The following SEMA5A variants were observed in gnomAD, a reference collection of about 807,000 sequenced individuals.
SEMA5A encodes the protein semaphorin-5A.
SEMA5A carries 55 observed loss-of-function variants against 135.5 expected under a neutral mutation model. The ratio of observed to expected loss-of-function variants is 0.41; its 90% CI spans 0.33 to 0.51. SEMA5A has a LOEUF of 0.51. SEMA5A is among the 20% of genes least tolerant of loss of function. The pLI is 0.37. For synonymous variants in SEMA5A, 580 were observed against 546.5 expected (o/e 1.06, Z -0.85); for missense variants, 1,290 against 1,419.9 (o/e 0.91, Z 1.47).
intron 1 of SEMA5A, among the ~76,000 whole-genome samples, chr5:9,544,887 G>A (rs1738296665): frequency 6.6e-6 from 1 of 152,164 alleles, no homozygotes; most frequent in South Asian, 2.1e-4. Context: ...ATTCCCTCTG[G>A]AGCCCGATCT....
At chr5:9,454,014 G>A (rs912804680) in intron 1 of SEMA5A, among the ~76,000 whole-genome samples, 2 of 152,156 alleles carry the variant, frequency 1.3e-5, no homozygotes, top group South Asian at 2.1e-4. Flanking sequence ...TTGCTTCAGG[G>A]GAGCACAGAA....
chr5:9,384,987 T>C (rs1755826344), intron 2 of SEMA5A, among the ~76,000 whole-genome samples: 1 of 152,212 alleles, frequency 6.6e-6, no homozygotes, highest in South Asian at 2.1e-4. Flanking sequence ...CTATCATCAT[T>C]CAACCAACTC....
chr5:9,301,914 G>A (rs1323796017), intron 5 of SEMA5A, among the ~76,000 whole-genome samples: 1 of 151,998 alleles, frequency 6.6e-6, no homozygotes. Context: ...GTATCAATGG[G>A]CCAAACTCAA....
chr5:9,153,362 G>T (rs143144602), intron 12 of SEMA5A, among the ~76,000 whole-genome samples: 1 of 152,196 alleles, frequency 6.6e-6, no homozygotes, highest in African/African-American at 2.4e-5. Context: ...GTGCTGGTCA[G>T]GTGTGTGATG....
At chr5:9,158,521 T>A (rs202165141) in intron 11 of SEMA5A, among the ~76,000 whole-genome samples, 9 of 143,888 alleles carry the variant, frequency 6.3e-5, no homozygotes, top group Admixed American at 4.2e-4. Flanking sequence ...AAAAAAAAAA[T>A]AGGCATTTCC....
At chr5:9,190,803 G>A (rs1745069090) in intron 10 of SEMA5A, among the ~76,000 whole-genome samples, 1 of 152,206 alleles carries the variant, frequency 6.6e-6, no homozygotes, top group Non-Finnish European at 1.5e-5. Flanking sequence ...CTTGAAAGCT[G>A]TCTGGTTAAA....
intron 1 of SEMA5A, among the ~76,000 whole-genome samples, chr5:9,496,053 T>C (rs1250901628): frequency 6.6e-6 from 1 of 152,180 alleles, no homozygotes; most frequent in African/African-American, 2.4e-5. Context: ...TTATTATTAC[T>C]ATTATTTTGA....
intron 1 of SEMA5A, among the ~76,000 whole-genome samples, chr5:9,533,007 C>T (rs1208221491): frequency 6.6e-6 from 1 of 152,224 alleles, no homozygotes; most frequent in Admixed American, 6.5e-5. Flanking sequence ...AAGCCTCCAA[C>T]CCCCATGCTT....
chr5:9,153,989 T>C (rs1365026839), intron 12 of SEMA5A, among the ~76,000 whole-genome samples: 4 of 144,536 alleles, frequency 2.8e-5, no homozygotes, highest in Non-Finnish European at 6.0e-5. Flanking sequence ...GAGGTTGCAG[T>C]GAGCTGAGGT....
At chr5:9,476,678 T>G (rs1759678681) in intron 1 of SEMA5A, among the ~76,000 whole-genome samples, 1 of 152,206 alleles carries the variant, frequency 6.6e-6, no homozygotes, top group Non-Finnish European at 1.5e-5. Flanking sequence ...TGCCTTATTA[T>G]TTTTTAAATG....
intron 8 of SEMA5A, among the ~76,000 whole-genome samples, chr5:9,219,041 A>G (rs1351165251): frequency 6.6e-6 from 1 of 152,246 alleles, no homozygotes; most frequent in Non-Finnish European, 1.5e-5. Flanking sequence ...TCAGGTAGTC[A>G]GTGATCTGCA....
At chr5:9,154,087 A>G (rs368387242) in intron 12 of SEMA5A, among the ~76,000 whole-genome samples, 39,729 of 78,996 alleles carry the variant, frequency 0.5, 10,136 homozygotes, top group Middle Eastern at 0.63. Flanking sequence ...ATATATATAT[A>G]TATATATGTG....
chr5:9,175,962 C>T (rs1183772710), intron 11 of SEMA5A, among the ~76,000 whole-genome samples: 1 of 152,208 alleles, frequency 6.6e-6, no homozygotes, highest in Non-Finnish European at 1.5e-5. Flanking sequence ...CCTATCATTC[C>T]CAACCCCTGG....
rs115065627 is a variant in SEMA5A, at chr5:9,439,947, C to T, written c.-174-2095G>A. Among the ~76,000 whole-genome samples, 373 of 152,378 alleles carry T rather than the reference C, an allele frequency of 2.4e-3. 3 individuals are homozygous for T. Among genetic ancestry groups the T allele is most frequent in the African/African-American group, 8.4e-3 (351 of 41,596 alleles). On this transcript the variant is annotated intron_variant, in intron 1 of 22. Coordinates refer to ENST00000382496, the MANE Select transcript of SEMA5A (RefSeq NM_003966.3). ...GGGTGTCCACCCGAAAGGGTTGTTACTGTGCCTGTGTTTACATAAATAGTG... is the reference window on the plus strand; with the variant it reads ...GGGTGTCCACCCGAAAGGGTTGTTATTGTGCCTGTGTTTACATAAATAGTG...
chr5:9,349,182 G>A (rs1754004762), intron 3 of SEMA5A, among the ~76,000 whole-genome samples: 1 of 152,114 alleles, frequency 6.6e-6, no homozygotes, highest in Admixed American at 6.5e-5. Context: ...CCTCTTTGCC[G>A]AAGTACAGAT....
At chr5:9,104,722 C>A (rs541648415) in intron 16 of SEMA5A, among the ~76,000 whole-genome samples, 4 of 152,268 alleles carry the variant, frequency 2.6e-5, no homozygotes, top group African/African-American at 9.6e-5. Context: ...CCCCTCTGAC[C>A]CACCACCCTG....
intron 8 of SEMA5A, among the ~76,000 whole-genome samples, chr5:9,215,474 T>C (rs917125970): frequency 6.6e-6 from 1 of 152,124 alleles, no homozygotes; most frequent in African/African-American, 2.4e-5. Flanking sequence ...GGTATCCTTA[T>C]AAGGAAAGGC....
At chr5:9,460,679 T>C (rs1403125946) in intron 1 of SEMA5A, among the ~76,000 whole-genome samples, 1 of 152,154 alleles carries the variant, frequency 6.6e-6, no homozygotes, top group Admixed American at 6.5e-5. Context: ...AACTTGAAAC[T>C]GAAAGAAACA....
At chr5:9,119,640 T>C (rs1465484536) in intron 14 of SEMA5A, among the ~76,000 whole-genome samples, 1 of 152,166 alleles carries the variant, frequency 6.6e-6, no homozygotes, top group Non-Finnish European at 1.5e-5. Flanking sequence ...TCAGTAACTT[T>C]CCTGATAGCA....
Sources: gnomAD v4.1 joint callset for allele counts (sites outside exome capture counted in the v4.1 genomes callset) on GRCh38, gnomAD v4.1.1 for gene constraint, MANE v1.5 for transcripts, NCBI Gene and HGNC (gene_info 2026-07-23, HGNC 2026-07-21) for gene names.